Variants in DLGAP2 observed in about 807,000 individuals in gnomAD.
DLGAP2 encodes the protein disks large-associated protein 2.
A neutral mutation model predicts 100.3 loss-of-function variants in DLGAP2; 26 were observed. The ratio of observed to expected loss-of-function variants is 0.26; its 90% CI spans 0.19 to 0.36. The LOEUF is 0.36. DLGAP2 is among the 10% of genes least tolerant of loss of function. The pLI, the probability that DLGAP2 is intolerant of heterozygous loss-of-function variation, is 1.00. For missense variants in DLGAP2, 1,858 were observed against 1,453.2 expected, an observed-to-expected ratio of 1.28 and a Z score of -4.53; for synonymous variants, 886 against 630.1, an observed-to-expected ratio of 1.41 and a Z score of -6.08.
At chr8:1,054,728 T>C (rs957113844) in intron 2 of DLGAP2, among the ~76,000 whole-genome samples, 12 of 152,352 alleles carry the variant, frequency 7.9e-5, no homozygotes, top group African/African-American at 2.6e-4. Context: ...GTTTGATTCA[T>C]GGTTTTTGCA....
At chr8:1,585,333 C>A (rs28710116) in intron 6 of DLGAP2, among the ~76,000 whole-genome samples, 2 of 151,836 alleles carry the variant, frequency 1.3e-5, no homozygotes, top group African/African-American at 2.4e-5. Flanking sequence ...GCATTTTGGC[C>A]CGTGCCTGTA....
At chr8:1,157,173 T>A (rs1363736961) in intron 2 of DLGAP2, among the ~76,000 whole-genome samples, 1 of 152,126 alleles carries the variant, frequency 6.6e-6, no homozygotes, top group Non-Finnish European at 1.5e-5. Flanking sequence ...TTCTCTCTCT[T>A]TAGCTGTGAT....
At chr8:1,064,356 A>G (rs1453692423) in intron 2 of DLGAP2, among the ~76,000 whole-genome samples, 2 of 152,254 alleles carry the variant, frequency 1.3e-5, no homozygotes, top group Non-Finnish European at 2.9e-5. Flanking sequence ...CAATTCCTCA[A>G]ATATGTCAGG....
chr8:738,322 C>T (rs1338406723), intron 1 of DLGAP2, among the ~76,000 whole-genome samples: 1 of 148,186 alleles, frequency 6.7e-6, no homozygotes, highest in Non-Finnish European at 1.5e-5. Context: ...CCGGGCTGGG[C>T]TGCGCGCACG....
At chr8:1,526,455 G>T (rs1055961275) in intron 4 of DLGAP2, among the ~76,000 whole-genome samples, 2 of 151,958 alleles carry the variant, frequency 1.3e-5, no homozygotes, top group Admixed American at 6.6e-5. Flanking sequence ...CTTAGACTCC[G>T]GAGCCCAGGA....
intron 2 of DLGAP2, among the ~76,000 whole-genome samples, chr8:1,171,396 G>C (rs1397462402): frequency 1.3e-5 from 2 of 152,120 alleles, no homozygotes; most frequent in Non-Finnish European, 2.9e-5. Context: ...ATGTCTATTA[G>C]GTCCGCTTGG....
intron 2 of DLGAP2, among the ~76,000 whole-genome samples, chr8:1,077,227 C>T (rs956984472): frequency 9.9e-5 from 15 of 152,224 alleles, no homozygotes; most frequent in Non-Finnish European, 2.2e-4. Context: ...TCCTCCACTC[C>T]AGCATGACCT....
intron 6 of DLGAP2, among the ~76,000 whole-genome samples, chr8:1,588,527 G>T (rs1255802803): frequency 6.6e-6 from 1 of 152,046 alleles, no homozygotes; most frequent in African/African-American, 2.4e-5. Flanking sequence ...TATTCATTCG[G>T]TAAGTAAATA....
chr8:1,531,197 A>C (rs1800978579), intron 4 of DLGAP2, among the ~76,000 whole-genome samples: 1 of 151,566 alleles, frequency 6.6e-6, no homozygotes, highest in Non-Finnish European at 1.5e-5. Flanking sequence ...CTGGTTAAGT[A>C]TGGTGCATTA....
intron 2 of DLGAP2, among the ~76,000 whole-genome samples, chr8:1,119,918 CT>C (rs1454475121): frequency 6.6e-6 from 1 of 152,104 alleles, no homozygotes; most frequent in East Asian, 1.9e-4. Context: ...GAAAGGTTTC[CT>C]TGTAGTTGGG....
In DLGAP2 at chr8:1,339,128, G is replaced by A. The variant is rs188329528; in HGVS notation, c.106+80245G>A. Among the ~76,000 whole-genome samples the A allele has an allele frequency of 4.6e-3, 686 of 150,474 alleles. 4 individuals are homozygous for A. Among genetic ancestry groups the A allele is most frequent in the Admixed American group, 0.025 (384 of 15,084 alleles). ...GCGTCAGGACCCGGGAGGGAATGCA[G>A]TGACCTCAGTGAGGCATCAGGACCC... is the stretch of plus-strand genomic sequence containing the variant. On this transcript the variant is annotated intron_variant, in intron 3 of 14. Coordinates refer to ENST00000637795, the MANE Select transcript of DLGAP2 (RefSeq NM_001346810.2).
intron 3 of DLGAP2, among the ~76,000 whole-genome samples, chr8:1,342,998 A>G (rs967557038): frequency 2.0e-5 from 3 of 152,234 alleles, no homozygotes; most frequent in Admixed American, 6.5e-5. Flanking sequence ...TGCTGGGAGC[A>G]CAGAGATTAT....
intron 2 of DLGAP2, among the ~76,000 whole-genome samples, chr8:1,240,171 G>A (rs1326031984): frequency 7.1e-6 from 1 of 140,402 alleles, no homozygotes; most frequent in Non-Finnish European, 1.5e-5. Flanking sequence ...GTCATGTCTA[G>A]TTCTCTCTCA....
chr8:1,010,246 C>G (rs953853179), intron 2 of DLGAP2, among the ~76,000 whole-genome samples: 3 of 151,866 alleles, frequency 2.0e-5, no homozygotes, highest in Non-Finnish European at 4.4e-5. Flanking sequence ...ACACATGTGC[C>G]CACATATGCG....
At chr8:1,020,367 A>T (rs530824765) in intron 2 of DLGAP2, among the ~76,000 whole-genome samples, 3 of 152,176 alleles carry the variant, frequency 2.0e-5, no homozygotes, top group African/African-American at 2.4e-5. Context: ...ATTTTATTCA[A>T]TGGTTCTGGT....
At chr8:828,995 G>A (rs572049134) in intron 1 of DLGAP2, among the ~76,000 whole-genome samples, 1 of 152,206 alleles carries the variant, frequency 6.6e-6, no homozygotes, top group Non-Finnish European at 1.5e-5. Context: ...TTTTAGTTAG[G>A]GTTTGGGAAT....
chr8:1,587,932 T>C (rs1796173875), intron 6 of DLGAP2, among the ~76,000 whole-genome samples: 1 of 152,220 alleles, frequency 6.6e-6, no homozygotes, highest in Non-Finnish European at 1.5e-5. Flanking sequence ...TTACTAGCTC[T>C]TCACTATACC....
At chr8:1,043,877 C>T (rs1287169562) in intron 2 of DLGAP2, among the ~76,000 whole-genome samples, 2 of 152,036 alleles carry the variant, frequency 1.3e-5, no homozygotes, top group African/African-American at 4.8e-5. Flanking sequence ...AAGCGTGCCT[C>T]GCTGCTGGGC....
chr8:1,158,089 C>T (rs900869045), intron 2 of DLGAP2, among the ~76,000 whole-genome samples: 1 of 152,240 alleles, frequency 6.6e-6, no homozygotes, highest in African/African-American at 2.4e-5. Context: ...GCAGGTTCTG[C>T]CTGAGCATTT....
Sources: gnomAD v4.1 joint callset for allele counts (sites outside exome capture counted in the v4.1 genomes callset) on GRCh38, gnomAD v4.1.1 for gene constraint, MANE v1.5 for transcripts, NCBI Gene and HGNC (gene_info 2026-07-23, HGNC 2026-07-21) for gene names.